The following SLC26A5 variants were observed in gnomAD, a reference collection of about 807,000 sequenced individuals.
SLC26A5 encodes solute carrier family 26 member 5.
A neutral mutation model predicts 81.0 loss-of-function variants in SLC26A5; 51 were observed. The observed-to-expected ratio is 0.63, with a 90% CI of 0.50 to 0.80. The LOEUF is 0.80. SLC26A5 is among the 30% of genes least tolerant of loss of function. SLC26A5 has a pLI of 0.00. For synonymous variants in SLC26A5, 325 were observed against 332.8 expected, an observed-to-expected ratio of 0.98 and a Z score of 0.25; for missense variants, 771 against 905.8, an observed-to-expected ratio of 0.85 and a Z score of 1.91.
rs199583032 is a variant in SLC26A5, at chr7:103,421,392, G to A, written c.123C>T (p.Ser41=). The A allele has an allele frequency of 1.2e-6, 2 of 1,613,940 alleles. No homozygotes were observed. The highest frequency in any genetic ancestry group is 1.7e-6 in the Non-Finnish European group (2 of 1,179,978). ...RLHTKDKVPD[S]IADKLKQAFT... ...ATGCCTGTTTCAGCTTATCCGCAAT[G>A]GAATCAGGAACCTTGTCCTTTGTGT... is the stretch of plus-strand genomic sequence containing the variant. Residue 41 remains serine, a synonymous_variant, in exon 3 of 20, where the codon TCC becomes TCT. Transcript: ENST00000306312.
At chr7:103,444,420 C>T (rs1221431648) in intron 1 of SLC26A5, among the ~76,000 whole-genome samples, 4 of 152,148 alleles carry the variant, frequency 2.6e-5, no homozygotes, top group Admixed American at 1.3e-4. Flanking sequence ...TACCAGGGGG[C>T]AACACATGAT....
intron 6 of SLC26A5, 90 bp downstream of exon 6, chr7:103,411,330 C>T: frequency 6.7e-7 from 1 of 1,493,054 alleles, no homozygotes; most frequent in South Asian, 1.2e-5. Flanking sequence ...TGACCCCATC[C>T]ACCGTGTAGT....
chr7:103,441,202 A>C (rs1197966463), intron 2 of SLC26A5, among the ~76,000 whole-genome samples: 5 of 152,096 alleles, frequency 3.3e-5, no homozygotes, highest in African/African-American at 9.7e-5. Context: ...ATGCCTTTCC[A>C]TTTTTGCTCA....
At chr7:103,371,751 A>G (rs1821053721), downstream of SLC26A5, among the ~76,000 whole-genome samples, 1 of 145,700 alleles carries the variant, frequency 6.9e-6, no homozygotes, top group South Asian at 2.2e-4. Flanking sequence ...GCTGGAGTGC[A>G]ATGGCGTGGT....
At chr7:103,424,700 T>C (rs1825595688) in intron 2 of SLC26A5, among the ~76,000 whole-genome samples, 1 of 152,184 alleles carries the variant, frequency 6.6e-6, no homozygotes, top group African/African-American at 2.4e-5. Context: ...AGTTTTACCA[T>C]TGATTTTCCT....
chr7:103,407,084 G>A (rs1248782201), intron 8 of SLC26A5, among the ~76,000 whole-genome samples: 1 of 152,186 alleles, frequency 6.6e-6, no homozygotes, highest in African/African-American at 2.4e-5. Context: ...TGGGCACTGT[G>A]CAAACTTCTA....
chr7:103,404,674 T>C (rs1823884570), intron 8 of SLC26A5, among the ~76,000 whole-genome samples: 1 of 152,194 alleles, frequency 6.6e-6, no homozygotes, highest in Non-Finnish European at 1.5e-5. Flanking sequence ...GTTGCTCTTC[T>C]TGAGGAGTAT....
chr7:103,411,696 A>G (rs1824501378), intron 5 of SLC26A5, 110 bp from the exon 6 acceptor site: 3 of 1,214,350 alleles, frequency 2.5e-6, no homozygotes, highest in Middle Eastern at 2.1e-4. Flanking sequence ...GCTTGAAGGA[A>G]GGCTACGCTC....
chr7:103,416,637 T>G (rs906632758), intron 4 of SLC26A5, among the ~76,000 whole-genome samples: 5 of 152,164 alleles, frequency 3.3e-5, no homozygotes, highest in Non-Finnish European at 5.9e-5. Flanking sequence ...AATTTCCCAG[T>G]GTTTTGTAGT....
chr7:103,435,724 G>T (rs1020387625), intron 2 of SLC26A5, among the ~76,000 whole-genome samples: 1 of 152,014 alleles, frequency 6.6e-6, no homozygotes, highest in Non-Finnish European at 1.5e-5. Context: ...CCATACAGGG[G>T]GTTCTTTCTA....
chr7:103,379,525 C>T (rs1489463265), intron 15 of SLC26A5, among the ~76,000 whole-genome samples, 190 bp from the exon 16 acceptor site: 5 of 151,404 alleles, frequency 3.3e-5, no homozygotes, highest in Non-Finnish European at 7.4e-5. Context: ...AAAAGTCACT[C>T]TTATCTACTC....
chr7:103,391,774 A>C, intron 10 of SLC26A5, 39 bp from the exon 11 acceptor site: 3 of 1,529,470 alleles, frequency 2.0e-6, no homozygotes, highest in Non-Finnish European at 2.7e-6. Flanking sequence ...GAGATAGGTC[A>C]TTCTTCAGGA....
At chr7:103,425,233 C>T (rs1384127558) in intron 2 of SLC26A5, among the ~76,000 whole-genome samples, 1 of 152,114 alleles carries the variant, frequency 6.6e-6, no homozygotes, top group African/African-American at 2.4e-5. Context: ...TTAAAAGTTC[C>T]CCAGGACATG....
At chr7:103,438,245 A>C (rs1462190070) in intron 2 of SLC26A5, among the ~76,000 whole-genome samples, 1 of 152,192 alleles carries the variant, frequency 6.6e-6, no homozygotes, top group African/African-American at 2.4e-5. Context: ...AGGTTAGTGG[A>C]TATGTTAGCT....
chr7:103,444,393 C>T (rs979561214), intron 1 of SLC26A5, among the ~76,000 whole-genome samples: 10 of 152,074 alleles, frequency 6.6e-5, no homozygotes, highest in Admixed American at 1.3e-4. Context: ...CTACCTGCAA[C>T]GGTAGAAAAA....
At chr7:103,391,549 A>C in intron 11 of SLC26A5, 73 bp downstream of exon 11, 1 of 1,284,792 alleles carries the variant, frequency 7.8e-7, no homozygotes, top group Non-Finnish European at 1.1e-6. Flanking sequence ...GTTTGGGTTC[A>C]GAATATAATC....
intron 19 of SLC26A5, among the ~76,000 whole-genome samples, chr7:103,358,862 T>G (rs1025719817): frequency 1.3e-5 from 2 of 152,170 alleles, no homozygotes; most frequent in African/African-American, 2.4e-5. Flanking sequence ...CCTATACCCC[T>G]ACAAGATCCC....
At chr7:103,362,462 T>C in intron 19 of SLC26A5, 1 of 1,378,568 alleles carries the variant, frequency 7.3e-7, no homozygotes, top group Non-Finnish European at 9.3e-7. Flanking sequence ...AAATCTCCCC[T>C]CCCTCCTCAA....
chr7:103,405,220 C>T (rs1328814796), intron 8 of SLC26A5, among the ~76,000 whole-genome samples: 3 of 152,126 alleles, frequency 2.0e-5, no homozygotes, highest in Admixed American at 1.3e-4. Flanking sequence ...CACTTTTGTT[C>T]CCTTGCTGGT....
Sources: gnomAD v4.1 joint callset for allele counts (sites outside exome capture counted in the v4.1 genomes callset) on GRCh38, gnomAD v4.1.1 for gene constraint, MANE v1.5 for transcripts, NCBI Gene and HGNC (gene_info 2026-07-23, HGNC 2026-07-21) for gene names.